WDFY2: variants seen among roughly 807,000 people sequenced by gnomAD.
WDFY2 encodes WD repeat and FYVE domain-containing protein 2.
A neutral mutation model predicts 56.4 loss-of-function variants in WDFY2; 36 were observed. That is an observed-to-expected ratio of 0.64 (90% CI 0.49 to 0.84). The LOEUF is 0.84. Ranked by LOEUF, WDFY2 falls within the 40% of genes least tolerant of loss-of-function variation. The pLI is 0.00. For synonymous variants in WDFY2, 176 were observed against 183.7 expected (o/e 0.96, Z 0.34); for missense variants, 444 against 512.2 (o/e 0.87, Z 1.29).
At chr13:51,716,209 C>T (rs773912447) in intron 4 of WDFY2, among the ~76,000 whole-genome samples, 8 of 151,940 alleles carry the variant, frequency 5.3e-5, no homozygotes, top group East Asian at 3.9e-4. Context: ...TAGTGTTTTC[C>T]GAGGATGAGG....
intron 8 of WDFY2, among the ~76,000 whole-genome samples, chr13:51,752,109 T>C (rs1953251777): frequency 6.6e-6 from 1 of 152,150 alleles, no homozygotes; most frequent in Non-Finnish European, 1.5e-5. Context: ...GATACAAAAA[T>C]TACATAGAAA....
Position 51,650,279 on chromosome 13 carries a change from T to C in WDFY2, c.138-10317T>C, listed in dbSNP as rs1775360565. Among the ~76,000 whole-genome samples, 3 of 152,362 alleles carry C rather than the reference T, an allele frequency of 2.0e-5. No homozygotes were observed. The South Asian group carries it at 6.2e-4, about 32-fold the overall frequency. ...ATATTGATTTTGTATCCTGAGACTT[T>C]GCTGAAGTTGCTTATCAGCTTAAGG... is the stretch of plus-strand genomic sequence containing the variant. On this transcript the variant is annotated intron_variant, in intron 1 of 11. Coordinates refer to ENST00000298125, the MANE Select transcript of WDFY2 (RefSeq NM_052950.4).
rs190720764 is a variant in WDFY2 at position 51,703,106 on chromosome 13, G to A, written c.280-490G>A. Among the ~76,000 whole-genome samples, 375 of 152,276 alleles carry A rather than the reference G, an allele frequency of 2.5e-3. 1 individual carries two copies. Among genetic ancestry groups the A allele is most frequent in the African/African-American group, 8.5e-3 (355 of 41,546 alleles). ...CCTACTGTGCCAAGGTACTGTGCCC[G>A]GTGTCCTGGGGATACAGGGATGAGT... On this transcript the variant is annotated intron_variant, in intron 3 of 11. Coordinates refer to ENST00000298125, the MANE Select transcript of WDFY2 (RefSeq NM_052950.4).
intron 8 of WDFY2, among the ~76,000 whole-genome samples, chr13:51,752,396 G>A (rs1335289320): frequency 2.0e-5 from 3 of 152,210 alleles, no homozygotes; most frequent in African/African-American, 4.8e-5. Flanking sequence ...TACAAAGGCT[G>A]GGATCGTTGT....
At chr13:51,586,470 A>C (rs1310959942) in intron 1 of WDFY2, 2 of 155,514 alleles carry the variant, frequency 1.3e-5, no homozygotes, top group Non-Finnish European at 2.8e-5. Context: ...AGAGTAGAAC[A>C]AGGAGTTCAA....
Position 51,597,390 on chromosome 13 carries a change from G to A in WDFY2, c.137+12566G>A, listed in dbSNP as rs114084282. 9.4e-3 allele frequency among the ~76,000 whole-genome samples: 1,424 copies of A among 152,280 alleles called. 16 individuals carry two copies. The highest frequency in any genetic ancestry group is 0.031 in the African/African-American group (1,299 of 41,560). ...AATTACTGGGAAACTACATTCTTAA[G>A]CCTGAAGGACTGAACTTGAACTTGA... On this transcript the variant is annotated intron_variant, in intron 1 of 11. Transcript: ENST00000298125.
At chr13:51,584,870 G>C in intron 1 of WDFY2, 46 bp downstream of exon 1, 1 of 1,605,482 alleles carries the variant, frequency 6.2e-7, no homozygotes, top group South Asian at 1.1e-5. Flanking sequence ...GGGACGGGCC[G>C]ACGGCCCTCG....
At chr13:51,640,809 C>T (rs1955141213) in intron 1 of WDFY2, among the ~76,000 whole-genome samples, 1 of 152,062 alleles carries the variant, frequency 6.6e-6, no homozygotes. Context: ...GAGATCACGC[C>T]ATTGCACTCC....
At chr13:51,728,690 G>A (rs930065578) in intron 6 of WDFY2, among the ~76,000 whole-genome samples, 1 of 152,146 alleles carries the variant, frequency 6.6e-6, no homozygotes, top group Non-Finnish European at 1.5e-5. Context: ...ATATAGTAAG[G>A]AAAAAATTGA....
chr13:51,688,186 A>G (rs1956093243), intron 3 of WDFY2, among the ~76,000 whole-genome samples: 1 of 152,190 alleles, frequency 6.6e-6, no homozygotes, highest in African/African-American at 2.4e-5. Context: ...GCCGGTGTCC[A>G]TGCCAACCAT....
intron 1 of WDFY2, among the ~76,000 whole-genome samples, chr13:51,596,412 A>G (rs910037879): frequency 6.6e-6 from 1 of 152,230 alleles, no homozygotes; most frequent in Admixed American, 6.5e-5. Flanking sequence ...GTCACATCAG[A>G]TATGCAAAAT....
intron 1 of WDFY2, among the ~76,000 whole-genome samples, chr13:51,616,546 G>C (rs1217016706): frequency 6.6e-6 from 1 of 152,150 alleles, no homozygotes; most frequent in East Asian, 1.9e-4. Context: ...GTTGATTCTT[G>C]AGAGTTCTGT....
intron 1 of WDFY2, 69 bp downstream of exon 1, chr13:51,584,893 G>A: frequency 6.3e-7 from 1 of 1,587,454 alleles, no homozygotes; most frequent in Non-Finnish European, 8.6e-7. Context: ...CCCGCGTCAG[G>A]GGCTGTGCCT....
At chr13:51,709,674 A>G (rs1952165744) in intron 4 of WDFY2, among the ~76,000 whole-genome samples, 1 of 152,220 alleles carries the variant, frequency 6.6e-6, no homozygotes, top group Non-Finnish European at 1.5e-5. Flanking sequence ...CAAATAAACT[A>G]GAAAATCTAG....
Position 51,691,713 on chromosome 13 carries a change from G to GT in WDFY2, c.280-11877dup, listed in dbSNP as rs1332518202. Among the ~76,000 whole-genome samples the GT allele has an allele frequency of 3.3e-5, 5 of 151,924 alleles. No homozygotes were observed. In the East Asian group the frequency reaches 9.6e-4, roughly 29 times the overall value. On this transcript the variant is annotated intron_variant, in intron 3 of 11. Coordinates refer to ENST00000298125, the MANE Select transcript of WDFY2 (RefSeq NM_052950.4). ...TTGGTTCCATGTGAACTTTAAAGTAGTTTTTTCCAATTCTGTGAAGAAAGT... is the reference window on the plus strand; with the variant it reads ...TTGGTTCCATGTGAACTTTAAAGTAGTTTTTTTCCAATTCTGTGAAGAAAGT...
chr13:51,677,076 G>A (rs140674501), intron 3 of WDFY2, among the ~76,000 whole-genome samples: 95 of 152,302 alleles, frequency 6.2e-4, no homozygotes, highest in African/African-American at 2.2e-3. Context: ...AGTAAGTTAT[G>A]GAGAATTCTA....
At chr13:51,678,735 T>C (rs1376790794) in intron 3 of WDFY2, among the ~76,000 whole-genome samples, 1 of 152,226 alleles carries the variant, frequency 6.6e-6, no homozygotes, top group African/African-American at 2.4e-5. Flanking sequence ...TCAAAGACTT[T>C]ATAATTCAGT....
At chr13:51,634,019 TGGCTCCTTTGATTA>T (rs1259165853) in intron 1 of WDFY2, among the ~76,000 whole-genome samples, 1 of 152,224 alleles carries the variant, frequency 6.6e-6, no homozygotes, top group East Asian at 1.9e-4. Context: ...GTTTGAATTC[TGGCTCCTTTGATTA>T]ATTTCTAAGA....
intron 4 of WDFY2, among the ~76,000 whole-genome samples, chr13:51,716,228 A>C (rs2138620161): frequency 6.6e-6 from 1 of 152,286 alleles, no homozygotes; most frequent in Middle Eastern, 3.4e-3. Context: ...GGGAAGTGGG[A>C]GTTGGGAATA....
Sources: gnomAD v4.1 joint callset for allele counts (sites outside exome capture counted in the v4.1 genomes callset) on GRCh38, gnomAD v4.1.1 for gene constraint, MANE v1.5 for transcripts, NCBI Gene and HGNC (gene_info 2026-07-23, HGNC 2026-07-21) for gene names.